RPSA2: variants seen among roughly 807,000 people sequenced by gnomAD.
RPSA2 encodes the protein small ribosomal subunit protein uS2B.
chr19:23,807,776 T>G, the RPSA2 span: 1 of 328,036 alleles, frequency 3.0e-6, no homozygotes, highest in Non-Finnish European at 6.2e-6. Context: ...AAATGGAAAA[T>G]TCTGCCAATG....
the RPSA2 span, among the ~76,000 whole-genome samples, chr19:23,817,109 C>A: frequency 6.6e-6 from 1 of 152,136 alleles, no homozygotes; most frequent in Non-Finnish European, 1.5e-5. Flanking sequence ...AGACTGGGTG[C>A]AGTGGCTCAC....
At chr19:23,782,828 T>C in the RPSA2 span, among the ~76,000 whole-genome samples, 1 of 152,104 alleles carries the variant, frequency 6.6e-6, no homozygotes, top group Non-Finnish European at 1.5e-5. Context: ...ATGTCTCTCC[T>C]CTTGTCTATG....
chr19:23,846,271 A>G, the RPSA2 span, among the ~76,000 whole-genome samples: 1 of 152,160 alleles, frequency 6.6e-6, no homozygotes, highest in Non-Finnish European at 1.5e-5. Context: ...TTCATTTCAT[A>G]AATCTATACA....
the RPSA2 span, among the ~76,000 whole-genome samples, chr19:23,855,423 C>CT: frequency 6.6e-6 from 1 of 152,166 alleles, no homozygotes; most frequent in Non-Finnish European, 1.5e-5. Context: ...TCCTTGAATT[C>CT]TTTTAAAAAC....
the RPSA2 span, among the ~76,000 whole-genome samples, chr19:23,862,830 C>T: frequency 6.7e-6 from 1 of 149,784 alleles, no homozygotes; most frequent in Non-Finnish European, 1.5e-5. Flanking sequence ...CTCTCTGGGT[C>T]TCTATTCCCT....
chr19:23,828,139 T>C, the RPSA2 span: 2 of 674,228 alleles, frequency 3.0e-6, no homozygotes, highest in Non-Finnish European at 5.0e-6. Context: ...AAAAAAATGC[T>C]GCAATAATTA....
the RPSA2 span, among the ~76,000 whole-genome samples, chr19:23,862,516 G>T: frequency 6.6e-6 from 1 of 151,824 alleles, no homozygotes; most frequent in Non-Finnish European, 1.5e-5. Flanking sequence ...CTGTGGGTTT[G>T]TCATAGATAG....
chr19:23,795,848 T>A, the RPSA2 span, among the ~76,000 whole-genome samples: 1 of 152,326 alleles, frequency 6.6e-6, no homozygotes, highest in Admixed American at 6.5e-5. Context: ...CAATCTTGGC[T>A]CACTGCAGAC....
the RPSA2 span, among the ~76,000 whole-genome samples, chr19:23,770,274 G>A: frequency 6.6e-6 from 1 of 152,122 alleles, no homozygotes; most frequent in Admixed American, 6.5e-5. Context: ...GGATTGTGAT[G>A]TGTTGCTGGA....
the RPSA2 span, among the ~76,000 whole-genome samples, chr19:23,809,846 A>G: frequency 2.0e-5 from 3 of 152,198 alleles, no homozygotes; most frequent in African/African-American, 7.2e-5. Flanking sequence ...CTTCATCCAC[A>G]TACTTTCAGT....
chr19:23,829,893 T>C, the RPSA2 span, among the ~76,000 whole-genome samples: 1 of 152,176 alleles, frequency 6.6e-6, no homozygotes, highest in Non-Finnish European at 1.5e-5. Context: ...ACAAAGTGAA[T>C]TTGCATATTT....
chr19:23,833,855 C>A, the RPSA2 span, among the ~76,000 whole-genome samples: 2 of 151,996 alleles, frequency 1.3e-5, no homozygotes, highest in Non-Finnish European at 2.9e-5. Context: ...TCTTATTGTA[C>A]ACATTTTGTG....
At chr19:23,845,630 C>G in the RPSA2 span, among the ~76,000 whole-genome samples, 1 of 152,202 alleles carries the variant, frequency 6.6e-6, no homozygotes, top group Non-Finnish European at 1.5e-5. Flanking sequence ...TAGCTAGTAT[C>G]ATAGGTGCGC....
the RPSA2 span, among the ~76,000 whole-genome samples, chr19:23,821,072 T>C: frequency 1.3e-5 from 2 of 152,220 alleles, no homozygotes; most frequent in African/African-American, 4.8e-5. Flanking sequence ...TCACAGTCTC[T>C]AGAGTTACGT....
chr19:23,827,030 T>C, the RPSA2 span: 1 of 674,114 alleles, frequency 1.5e-6, no homozygotes, highest in Non-Finnish European at 2.7e-6. Context: ...GAATGATTTA[T>C]TGAAAGATAT....
chr19:23,869,980 G>A, the RPSA2 span, among the ~76,000 whole-genome samples: 1 of 152,158 alleles, frequency 6.6e-6, no homozygotes, highest in Non-Finnish European at 1.5e-5. Flanking sequence ...TTATATCACT[G>A]CATTAATCAT....
the RPSA2 span, among the ~76,000 whole-genome samples, chr19:23,792,322 C>T: frequency 6.6e-6 from 1 of 152,110 alleles, no homozygotes; most frequent in Non-Finnish European, 1.5e-5. Context: ...ACCTCCCCTG[C>T]AAATTTCCCA....
At chr19:23,852,486 GATGTT>G in the RPSA2 span, among the ~76,000 whole-genome samples, 1 of 152,200 alleles carries the variant, frequency 6.6e-6, no homozygotes, top group Non-Finnish European at 1.5e-5. Context: ...TGTTTCTATA[GATGTT>G]AAACTAACTA....
chr19:23,857,361 A>G, the RPSA2 span, among the ~76,000 whole-genome samples: 27 of 152,128 alleles, frequency 1.8e-4, no homozygotes, highest in Non-Finnish European at 1.6e-4. Flanking sequence ...GTAAATATCC[A>G]TGAAATCTTC....
Sources: gnomAD v4.1 joint callset for allele counts (sites outside exome capture counted in the v4.1 genomes callset) on GRCh38, gnomAD v4.1.1 for gene constraint, MANE v1.5 for transcripts, NCBI Gene and HGNC (gene_info 2026-07-23, HGNC 2026-07-21) for gene names.